The following KIAA1217 variants were observed in gnomAD, a reference collection of about 807,000 sequenced individuals.
KIAA1217 encodes sickle tail protein homolog.
In KIAA1217, 88 loss-of-function variants were observed where a neutral mutation model predicts 163.9. The ratio of observed to expected loss-of-function variants is 0.54; its 90% CI spans 0.45 to 0.64. The LOEUF is 0.64. Among genes scored for constraint, KIAA1217 ranks in the 30% least tolerant of loss-of-function variants. The pLI is 0.00. For missense variants in KIAA1217, 2,372 were observed against 2,475.0 expected (o/e 0.96, Z 0.88); for synonymous variants, 903 against 923.1 (o/e 0.98, Z 0.39).
intron 4 of KIAA1217, among the ~76,000 whole-genome samples, chr10:24,434,361 A>G (rs2131850482): frequency 6.6e-6 from 1 of 152,102 alleles, no homozygotes; most frequent in South Asian, 2.1e-4. Flanking sequence ...TTTTGAAGAC[A>G]GGGTCTTGCT....
intron 2 of KIAA1217, among the ~76,000 whole-genome samples, chr10:24,334,036 G>A (rs964845473): frequency 3.9e-5 from 6 of 152,168 alleles, no homozygotes; most frequent in Non-Finnish European, 8.8e-5. Context: ...ACTAAACATG[G>A]AGATAAGTTA....
rs535879132 is a variant in KIAA1217 at position 24,545,389 on chromosome 10, T to A, written c.5334+286T>A. On this transcript the variant is annotated intron_variant, in intron 20 of 20. Transcript: ENST00000376454. ...GGCTTTTCTTTGGTGAATGTAGTGT[T>A]TCATCTGAACACCTCGGGAAGCAGA... 452 of 1,338,784 alleles carry A rather than the reference T, an allele frequency of 3.4e-4. 7 individuals are homozygous for A. The South Asian group carries it at 7.0e-3, about 21-fold the overall frequency. The allele number at this position is 1,338,784 out of a possible 1,614,324, so 82.9% of individuals were successfully genotyped here.
chr10:24,261,915 T>C (rs2075764986), intron 2 of KIAA1217, among the ~76,000 whole-genome samples: 1 of 152,180 alleles, frequency 6.6e-6, no homozygotes, highest in Non-Finnish European at 1.5e-5. Flanking sequence ...GTTTTGGCCT[T>C]TCAGAATCAG....
intron 2 of KIAA1217, among the ~76,000 whole-genome samples, chr10:24,177,299 T>TAAA (rs1554894744): frequency 4.3e-5 from 2 of 46,914 alleles, no homozygotes; most frequent in South Asian, 1.8e-3. Context: ...ATATATATAT[T>TAAA]ACAATTTCTT....
At chr10:23,978,008 T>G (rs1360718034) in intron 1 of KIAA1217, among the ~76,000 whole-genome samples, 1 of 152,192 alleles carries the variant, frequency 6.6e-6, no homozygotes, top group Non-Finnish European at 1.5e-5. Flanking sequence ...AGAATAGAAT[T>G]CCATTATCAC....
chr10:24,044,427 T>TG (rs1848841856), intron 2 of KIAA1217, among the ~76,000 whole-genome samples: 1 of 152,170 alleles, frequency 6.6e-6, no homozygotes, highest in South Asian at 2.1e-4. Flanking sequence ...AGCTTAATCT[T>TG]GACGTAGCTT....
chr10:24,272,016 G>A (rs1328534213), intron 2 of KIAA1217, among the ~76,000 whole-genome samples: 3 of 152,246 alleles, frequency 2.0e-5, no homozygotes, highest in Non-Finnish European at 4.4e-5. Context: ...TGGGATGCTC[G>A]TGAGAGTAGG....
intron 12 of KIAA1217, 74 bp from the exon 13 acceptor site, chr10:24,524,249 T>A: frequency 6.7e-7 from 1 of 1,486,098 alleles, no homozygotes; most frequent in Non-Finnish European, 9.2e-7. Flanking sequence ...GGCTTTGGGA[T>A]GACATAGCCT....
intron 1 of KIAA1217, among the ~76,000 whole-genome samples, chr10:23,815,725 G>T (rs942535643): frequency 6.6e-6 from 1 of 152,114 alleles, no homozygotes; most frequent in Non-Finnish European, 1.5e-5. Flanking sequence ...ACAATGCAAA[G>T]AAAATACAAA....
At chr10:24,225,116 T>C (rs868158666) in intron 2 of KIAA1217, among the ~76,000 whole-genome samples, 3 of 152,120 alleles carry the variant, frequency 2.0e-5, no homozygotes, top group Admixed American at 6.5e-5. Flanking sequence ...TGAGCCACCA[T>C]GCCTGGCCCA....
At chr10:24,399,547 T>G (rs2056267642) in intron 3 of KIAA1217, among the ~76,000 whole-genome samples, 1 of 152,232 alleles carries the variant, frequency 6.6e-6, no homozygotes, top group African/African-American at 2.4e-5. Flanking sequence ...ATATTTTAGG[T>G]TATCTTAGAT....
rs188514465 is a variant in KIAA1217, at chr10:24,471,542, A to G, written c.847-1686A>G. Among the ~76,000 whole-genome samples, 126 of 152,194 alleles carry G rather than the reference A, an allele frequency of 8.3e-4. 1 individual carries two copies. The highest frequency in any genetic ancestry group is 2.9e-3 in the African/African-American group (122 of 41,548). On this transcript the variant is annotated intron_variant, in intron 5 of 20. Coordinates refer to ENST00000376454, the MANE Select transcript of KIAA1217 (RefSeq NM_019590.5). Reference sequence around the variant, plus strand: ...GCAAATTACAGTTGACCATTGAACAAGGTGGGAGTTAGGGATGCTAAGTCC... The same window carrying G: ...GCAAATTACAGTTGACCATTGAACAGGGTGGGAGTTAGGGATGCTAAGTCC...
intron 1 of KIAA1217, among the ~76,000 whole-genome samples, chr10:23,957,911 G>A (rs571999653): frequency 1.3e-4 from 20 of 152,274 alleles, no homozygotes; most frequent in Non-Finnish European, 5.9e-5. Flanking sequence ...TTCAGAAGAA[G>A]GTGGCTGACT....
At chr10:24,286,829 A>G (rs1207424564) in intron 2 of KIAA1217, among the ~76,000 whole-genome samples, 1 of 152,130 alleles carries the variant, frequency 6.6e-6, no homozygotes, top group Non-Finnish European at 1.5e-5. Flanking sequence ...ATAGTCAAAC[A>G]TATGACAAAC....
Position 24,364,053 on chromosome 10 carries a change from G to A in KIAA1217, c.355-16816G>A, listed in dbSNP as rs188279690. ...GGGTGCAATGGCGCAGTCTTGGCTC[G>A]CCGCAACCTCCGCCTCCCAGGTTCA... On this transcript the variant is annotated intron_variant, in intron 2 of 20. Transcript: ENST00000376454. Among the ~76,000 whole-genome samples the A allele has an allele frequency of 2.7e-5, 4 of 150,026 alleles. 1 individual carries two copies. The highest frequency in any genetic ancestry group is 2.7e-4 in the Admixed American group (4 of 15,060).
chr10:24,049,751 A>G (rs1849349603), intron 2 of KIAA1217, among the ~76,000 whole-genome samples: 2 of 152,192 alleles, frequency 1.3e-5, no homozygotes, highest in Non-Finnish European at 2.9e-5. Context: ...TATTCTAAAT[A>G]GTGCTGCAGT....
At chr10:23,918,733 T>TATATATACACAC (rs769797460) in intron 1 of KIAA1217, among the ~76,000 whole-genome samples, 115 of 147,584 alleles carry the variant, frequency 7.8e-4, no homozygotes, top group African/African-American at 2.6e-3. Flanking sequence ...ATTAAATATA[T>TATATATACACAC]ACACACACAC....
chr10:23,874,779 C>T lies in KIAA1217; in HGVS notation c.-320-132446C>T, dbSNP rs534876338. Reference sequence around the variant, plus strand: ...CATCCTGATTTTATCTTTGGCATCTCTACCAGTCACTATTACAAATAATCA... The same window carrying T: ...CATCCTGATTTTATCTTTGGCATCTTTACCAGTCACTATTACAAATAATCA... On this transcript the variant is annotated intron_variant, in intron 1 of 18. Transcript: ENST00000376462. Among the ~76,000 whole-genome samples the T allele has an allele frequency of 3.9e-5, 6 of 152,108 alleles. No homozygotes were observed. In the East Asian group the frequency reaches 1.2e-3, roughly 30 times the overall value.
intron 5 of KIAA1217, chr10:24,449,840 A>G: frequency 1.3e-6 from 1 of 758,518 alleles, no homozygotes; most frequent in Non-Finnish European, 1.6e-6. Flanking sequence ...ATCTTTCATT[A>G]ACTTGTCTTC....
Sources: allele counts gnomAD v4.1 joint callset (sites outside exome capture counted in the v4.1 genomes callset), GRCh38; gene constraint gnomAD v4.1.1; transcripts MANE v1.5; gene names NCBI Gene and HGNC (gene_info 2026-07-23, HGNC 2026-07-21).